CYP2C19: variants seen among roughly 807,000 people sequenced by gnomAD.
CYP2C19 encodes cytochrome P450 2C19.
A neutral mutation model predicts 40.9 loss-of-function variants in CYP2C19; 59 were observed. The observed-to-expected ratio is 1.44, with a 90% CI of 1.17 to 1.79. The LOEUF is 1.79. Among genes scored for constraint, CYP2C19 ranks in the 40% most tolerant of loss-of-function variants. The probability of loss-of-function intolerance (pLI) is 0.00; values close to 1 mark genes in which losing one functional copy is unlikely to be tolerated. For synonymous variants in CYP2C19, 253 were observed against 208.7 expected, an observed-to-expected ratio of 1.21 and a Z score of -1.83; for missense variants, 754 against 596.9, an observed-to-expected ratio of 1.26 and a Z score of -2.74.
intron 7 of CYP2C19, among the ~76,000 whole-genome samples, chr10:94,847,587 A>G (rs1161330904): frequency 6.6e-6 from 1 of 152,200 alleles, no homozygotes; most frequent in Non-Finnish European, 1.5e-5. Flanking sequence ...CTTTGGGTAT[A>G]TACCCAGTAA....
At chr10:94,833,235 G>A (rs1374380694) in intron 6 of CYP2C19, among the ~76,000 whole-genome samples, 1 of 152,112 alleles carries the variant, frequency 6.6e-6, no homozygotes, top group Non-Finnish European at 1.5e-5. Flanking sequence ...CCTTTCTAAT[G>A]TGGATAGCCT....
At position 94,842,939 on chromosome 10, in the gene CYP2C19, T is replaced by C. The variant is rs1195995770; in HGVS notation, c.1064T>C (p.Val355Ala). ...TACACAGATGCTGTGGTGCACGAGG[T>C]CCAGAGATACATCGACCTCATCCCC... ...MPYTDAVVHE[V>A]QRYIDLIPTS... Residue 355 changes from valine to alanine, a missense_variant, in exon 7 of 9, where the codon GTC (valine) becomes GCC (alanine). Coordinates refer to ENST00000371321, the MANE Select transcript of CYP2C19 (RefSeq NM_000769.4). 1 of 1,614,108 alleles carries C rather than the reference T, an allele frequency of 6.2e-7. No homozygotes were observed. Among genetic ancestry groups the C allele is most frequent in the Non-Finnish European group, 8.5e-7 (1 of 1,180,010 alleles).
intron 5 of CYP2C19, among the ~76,000 whole-genome samples, chr10:94,787,907 G>A (rs1404855639): frequency 6.6e-6 from 1 of 152,128 alleles, no homozygotes; most frequent in African/African-American, 2.4e-5. Flanking sequence ...TGTGAAAAAT[G>A]ACATTGGTAG....
chr10:94,764,250 A>G (rs778237989), intron 1 of CYP2C19, among the ~76,000 whole-genome samples: 42 of 152,118 alleles, frequency 2.8e-4, no homozygotes, highest in Admixed American at 4.6e-4. Flanking sequence ...GGCCCCACCC[A>G]TGTCCTGCTG....
intron 5 of CYP2C19, among the ~76,000 whole-genome samples, chr10:94,794,811 G>A (rs986839718): frequency 3.3e-5 from 5 of 151,960 alleles, no homozygotes; most frequent in Admixed American, 2.6e-4. Flanking sequence ...GGGCTGAGAC[G>A]ATGGTTTTTC....
At chr10:94,802,568 A>G (rs746682638) in intron 5 of CYP2C19, among the ~76,000 whole-genome samples, 1 of 152,120 alleles carries the variant, frequency 6.6e-6, no homozygotes, top group Non-Finnish European at 1.5e-5. Context: ...TAACTAGGGT[A>G]TTTAGCCCAC....
At chr10:94,852,645 T>C (rs1377613433) in intron 8 of CYP2C19, 88 bp from the exon 9 acceptor site, 119 of 1,433,084 alleles carry the variant, frequency 8.3e-5, no homozygotes, top group Non-Finnish European at 1.1e-4. Context: ...TTCTTGCATA[T>C]TCTGTCTGTG....
rs540850707 is a variant in CYP2C19, at chr10:94,827,226, T to C, written c.961+6589T>C. ...CTTTTTCTATTGATTGGAATAGTTT[T>C]AGAAGGAATGGTACCAGTTCCTCCT... is the stretch of plus-strand genomic sequence containing the variant. On this transcript the variant is annotated intron_variant, in intron 6 of 8. Coordinates refer to ENST00000371321, the MANE Select transcript of CYP2C19 (RefSeq NM_000769.4). 6.1e-4 allele frequency among the ~76,000 whole-genome samples: 93 copies of C among 151,612 alleles called. 1 individual carries two copies. Among genetic ancestry groups the C allele is most frequent in the African/African-American group, 1.6e-3 (65 of 41,002 alleles).
intron 5 of CYP2C19, among the ~76,000 whole-genome samples, chr10:94,782,383 A>T (rs1848490667): frequency 1.3e-5 from 2 of 152,124 alleles, no homozygotes; most frequent in African/African-American, 4.8e-5. Flanking sequence ...AAGTCATTGG[A>T]GAAATGCAAA....
At chr10:94,772,364 A>C (rs1390870045) in intron 1 of CYP2C19, among the ~76,000 whole-genome samples, 2 of 152,114 alleles carry the variant, frequency 1.3e-5, no homozygotes, top group African/African-American at 4.8e-5. Flanking sequence ...AGAGTCCTGG[A>C]GTTTATACTA....
At chr10:94,836,360 T>C (rs1849403127) in intron 6 of CYP2C19, among the ~76,000 whole-genome samples, 2 of 152,248 alleles carry the variant, frequency 1.3e-5, no homozygotes, top group South Asian at 2.1e-4. Context: ...AGCTCATCCC[T>C]TGGACCTGTG....
Position 94,811,842 on chromosome 10 carries a change from G to A in CYP2C19, c.820-8654G>A, listed in dbSNP as rs553973610. Among the ~76,000 whole-genome samples, 473 of 152,018 alleles carry A rather than the reference G, an allele frequency of 3.1e-3. 3 individuals carry two copies. Among genetic ancestry groups the A allele is most frequent in the African/African-American group, 0.011 (450 of 41,496 alleles). On this transcript the variant is annotated intron_variant, in intron 5 of 8. Coordinates refer to ENST00000371321, the MANE Select transcript of CYP2C19 (RefSeq NM_000769.4). ...TTGACTCTATCCAATTTGCCAGTCT[G>A]TGTCTTTTAATTGGGGCATTTAGCC...
At chr10:94,792,799 T>C (rs1411985123) in intron 5 of CYP2C19, among the ~76,000 whole-genome samples, 1 of 152,172 alleles carries the variant, frequency 6.6e-6, no homozygotes, top group Admixed American at 6.5e-5. Flanking sequence ...TATTCCTTCA[T>C]TTCAACTTTG....
At chr10:94,841,767 C>A (rs1231057343) in intron 6 of CYP2C19, among the ~76,000 whole-genome samples, 1 of 152,158 alleles carries the variant, frequency 6.6e-6, no homozygotes, top group Non-Finnish European at 1.5e-5. Flanking sequence ...CATTCATGAG[C>A]ATATTGTTTA....
chr10:94,776,256 G>C (rs1404160574), intron 3 of CYP2C19: 1 of 152,062 alleles, frequency 6.6e-6, no homozygotes. Flanking sequence ...TATTTAACTA[G>C]ATTTTAATTA....
intron 6 of CYP2C19, among the ~76,000 whole-genome samples, chr10:94,840,519 A>T (rs1849475919): frequency 6.6e-6 from 1 of 152,084 alleles, no homozygotes; most frequent in South Asian, 2.1e-4. Flanking sequence ...AAAGTCTGAA[A>T]CATTAGTACC....
chr10:94,813,868 A>G (rs2134262226), intron 5 of CYP2C19, among the ~76,000 whole-genome samples: 1 of 151,750 alleles, frequency 6.6e-6, no homozygotes, highest in Non-Finnish European at 1.5e-5. Context: ...GTGTCTGCCC[A>G]GATGACCACC....
At chr10:94,848,745 T>A (rs1407181558) in intron 7 of CYP2C19, among the ~76,000 whole-genome samples, 1 of 152,216 alleles carries the variant, frequency 6.6e-6, no homozygotes, top group Non-Finnish European at 1.5e-5. Flanking sequence ...TATCCTCTTT[T>A]ATTTCATTGA....
At chr10:94,840,469 C>T (rs1849475082) in intron 6 of CYP2C19, among the ~76,000 whole-genome samples, 1 of 152,014 alleles carries the variant, frequency 6.6e-6, no homozygotes, top group South Asian at 2.1e-4. Flanking sequence ...CGTAGAGACT[C>T]CTTAGATCCC....
Sources: allele counts gnomAD v4.1 joint callset (sites outside exome capture counted in the v4.1 genomes callset), GRCh38; gene constraint gnomAD v4.1.1; transcripts MANE v1.5; gene names NCBI Gene and HGNC (gene_info 2026-07-23, HGNC 2026-07-21).